Variants in NWD1 observed in about 807,000 individuals in gnomAD.
NWD1 encodes the protein NACHT and WD repeat domain containing 1.
A neutral mutation model predicts 135.1 loss-of-function variants in NWD1; 129 were observed. That is an observed-to-expected ratio of 0.96 (90% CI 0.83 to 1.11). NWD1 has a LOEUF of 1.11. Among genes scored for constraint, NWD1 ranks in the 50% least tolerant of loss-of-function variants. The pLI, the probability that NWD1 is intolerant of heterozygous loss-of-function variation, is 0.00. For synonymous variants in NWD1, 773 were observed against 786.0 expected, an observed-to-expected ratio of 0.98 and a Z score of 0.28; for missense variants, 1,740 against 1,851.3, an observed-to-expected ratio of 0.94 and a Z score of 1.10.
At chr19:16,794,078 G>A (rs1970340132) in intron 14 of NWD1, among the ~76,000 whole-genome samples, 1 of 152,004 alleles carries the variant, frequency 6.6e-6, no homozygotes, top group Non-Finnish European at 1.5e-5. Context: ...ATTAAGAGAT[G>A]GAGTCAGCTA....
chr19:16,769,596 G>A (rs375706116), intron 10 of NWD1, among the ~76,000 whole-genome samples: 1 of 152,106 alleles, frequency 6.6e-6, no homozygotes, highest in South Asian at 2.1e-4. Context: ...CCTGGGAGAT[G>A]CTTGTCTCCA....
At chr19:16,795,510 G>C (rs955106697) in intron 15 of NWD1, among the ~76,000 whole-genome samples, 2 of 149,748 alleles carry the variant, frequency 1.3e-5, no homozygotes, top group Admixed American at 1.3e-4. Flanking sequence ...TCCACCTCCC[G>C]GGTTCAAGCG....
intron 15 of NWD1, among the ~76,000 whole-genome samples, chr19:16,795,093 C>T (rs980312730): frequency 3.3e-5 from 5 of 152,226 alleles, no homozygotes; most frequent in Non-Finnish European, 5.9e-5. Context: ...CCTTTCTTTC[C>T]TTTTGATGCA....
chr19:16,781,759 C>T (rs915951292), intron 12 of NWD1, among the ~76,000 whole-genome samples: 1 of 152,038 alleles, frequency 6.6e-6, no homozygotes, highest in Non-Finnish European at 1.5e-5. Flanking sequence ...TTAAAAAATA[C>T]ATTTAACAGA....
chr19:16,750,333 AC>A lies in NWD1; in HGVS notation c.1693del (p.Gln565AsnfsTer34). The A allele has an allele frequency of 3.1e-6, 5 of 1,613,032 alleles. No homozygotes were observed. Among genetic ancestry groups the A allele is most frequent in the Non-Finnish European group, 4.2e-6 (5 of 1,179,812 alleles). On this transcript the variant is annotated frameshift_variant, in exon 6 of 19. Transcript: ENST00000524140. LOFTEE classifies it high-confidence loss of function. ...GCCACCACCGCAGAGGAAGCCACGC[AC>A]CAACTCTGCACCCGCCTGGAGCAGA... ...PLATTAEEAT[H>X]QLCTRLEQTH...
At chr19:16,728,943 C>CAAAA (rs59881448) in intron 2 of NWD1, among the ~76,000 whole-genome samples, 2 of 98,738 alleles carry the variant, frequency 2.0e-5, no homozygotes, top group East Asian at 3.8e-4. Flanking sequence ...GACTCCATCT[C>CAAAA]AAAAAAAAAA....
intron 14 of NWD1, among the ~76,000 whole-genome samples, chr19:16,792,340 G>A (rs903403282): frequency 4.6e-5 from 7 of 151,770 alleles, no homozygotes; most frequent in Admixed American, 2.0e-4. Context: ...TCAGGAGTTC[G>A]AGACCAGCCT....
chr19:16,765,041 G>A lies in NWD1; in HGVS notation c.2259G>A (p.Met753Ile). The change falls in exon 10 of 19, where the codon ATG becomes ATA. Residue 753 changes from methionine to isoleucine, a missense_variant. Transcript: ENST00000524140. ...CCCCCTTCTCTCCCTCAGGCAGCATGAGCTGGATTTCCTGCCGGGGCATCT... is the reference window on the plus strand; with the variant it reads ...CCCCCTTCTCTCCCTCAGGCAGCATAAGCTGGATTTCCTGCCGGGGCATCT... ...EELKQEVLGS[M>I]SWISCRGISG... The A allele has an allele frequency of 2.5e-6, 4 of 1,614,132 alleles. No individual in the cohort carries two copies. Among genetic ancestry groups the A allele is most frequent in the Non-Finnish European group, 3.4e-6 (4 of 1,180,018 alleles).
In NWD1 at chr19:16,804,981, C is replaced by T. The variant is rs150743080; in HGVS notation, c.3737-2605C>T. On this transcript the variant is annotated intron_variant, in intron 17 of 18. Transcript: ENST00000524140. ...CTGGAACCACAGGTGCACCACCATG[C>T]CTGACTCCTGGAGACTTTAAAATTT... Among the ~76,000 whole-genome samples the T allele has an allele frequency of 9.1e-3, 1,381 of 151,110 alleles. 30 individuals are homozygous for T. Among genetic ancestry groups the T allele is most frequent in the African/African-American group, 0.032 (1,321 of 41,232 alleles).
In NWD1 at chr19:16,816,230, T is replaced by C. The variant is rs1211115541; in HGVS notation, c.*1191T>C. The C allele has an allele frequency of 6.6e-6, 1 of 152,204 alleles. No individual in the cohort carries two copies. Among genetic ancestry groups the C allele is most frequent in the South Asian group, 2.1e-4 (1 of 4,838 alleles). The allele number at this position is 152,204 out of a possible 1,614,324, so 9.4% of individuals were successfully genotyped here. On this transcript the variant is annotated 3_prime_UTR_variant, in exon 19 of 19. Coordinates refer to ENST00000524140, the MANE Select transcript of NWD1 (RefSeq NM_001007525.5). ...GCCTGACTGTAGCCCAGAATCACCATGGCCAAACAAGCCCACTGCTGTCAG... is the reference window on the plus strand; with the variant it reads ...GCCTGACTGTAGCCCAGAATCACCACGGCCAAACAAGCCCACTGCTGTCAG...
At chr19:16,786,005 C>G (rs1344849144) in intron 12 of NWD1, among the ~76,000 whole-genome samples, 2 of 151,942 alleles carry the variant, frequency 1.3e-5, no homozygotes, top group African/African-American at 4.8e-5. Context: ...GCTGAGATTA[C>G]AGGCGCCTGC....
intron 11 of NWD1, among the ~76,000 whole-genome samples, chr19:16,777,846 GGA>G: frequency 1.4e-5 from 1 of 71,488 alleles, no homozygotes; most frequent in Non-Finnish European, 2.8e-5. Flanking sequence ...GAAGGGGAGG[GGA>G]AAGGGAAGGG....
Position 16,815,413 on chromosome 19 carries a change from C to G in NWD1, c.*374C>G. ...TAATCTAGTTAAAGCAAAAAGAATA[C>G]GTTTGCTGGTGTATATCTGGACCCA... is the stretch of plus-strand genomic sequence containing the variant. On this transcript the variant is annotated 3_prime_UTR_variant, in exon 19 of 19. Transcript: ENST00000524140. The G allele has an allele frequency of 1.6e-6, 1 of 623,260 alleles. No individual in the cohort carries two copies. Among genetic ancestry groups the G allele is most frequent in the Non-Finnish European group, 2.9e-6 (1 of 349,810 alleles). The allele number at this position is 623,260 out of a possible 1,614,324, so 38.6% of individuals were successfully genotyped here.
At chr19:16,794,910 T>C (rs1051948131) in intron 15 of NWD1, among the ~76,000 whole-genome samples, 3 of 152,160 alleles carry the variant, frequency 2.0e-5, no homozygotes, top group Non-Finnish European at 4.4e-5. Flanking sequence ...GCTTCCTGAA[T>C]AGCTGGGATT....
At chr19:16,738,737 T>A (rs1198460109) in intron 4 of NWD1, among the ~76,000 whole-genome samples, 1 of 141,286 alleles carries the variant, frequency 7.1e-6, no homozygotes, top group African/African-American at 2.7e-5. Flanking sequence ...AATCTATATA[T>A]AATATATATA....
chr19:16,764,383 C>G (rs569553376), intron 9 of NWD1, among the ~76,000 whole-genome samples: 2 of 151,206 alleles, frequency 1.3e-5, no homozygotes, highest in South Asian at 4.2e-4. Flanking sequence ...ATCCATCCAT[C>G]CATCCATCCA....
rs148770503 is a variant in NWD1, at chr19:16,728,817, G to A, written c.-6-2375G>A. ...AAATTAGCTAGGCGTGGTGGCGGGC[G>A]CCTGTAGCCCCAGCTGCTCGGGAGG... On this transcript the variant is annotated intron_variant, in intron 2 of 18. Transcript: ENST00000524140. Among the ~76,000 whole-genome samples the A allele has an allele frequency of 4.3e-3, 645 of 151,652 alleles. 5 individuals are homozygous for A. Among genetic ancestry groups the A allele is most frequent in the African/African-American group, 0.014 (588 of 41,384 alleles).
intron 2 of NWD1, 121 bp from the exon 3 acceptor site, chr19:16,731,071 C>G (rs1967540050): frequency 1.7e-6 from 1 of 580,696 alleles, no homozygotes; most frequent in African/African-American, 1.9e-5. Flanking sequence ...TAGCGAGATC[C>G]CATTCTCCAC....
At chr19:16,804,986 C>T (rs1970708793) in intron 17 of NWD1, among the ~76,000 whole-genome samples, 1 of 150,788 alleles carries the variant, frequency 6.6e-6, no homozygotes. Flanking sequence ...CCATGCCTGA[C>T]TCCTGGAGAC....
Sources: allele counts gnomAD v4.1 joint callset (sites outside exome capture counted in the v4.1 genomes callset), GRCh38; gene constraint gnomAD v4.1.1; transcripts MANE v1.5; gene names NCBI Gene and HGNC (gene_info 2026-07-23, HGNC 2026-07-21).